FRMD5: variants seen among roughly 807,000 people sequenced by gnomAD.
FRMD5 encodes the protein FERM domain containing 5, also known as FERM domain-containing protein 5.
A neutral mutation model predicts 69.0 loss-of-function variants in FRMD5; 20 were observed. The ratio of observed to expected loss-of-function variants is 0.29; its 90% CI spans 0.20 to 0.42. The LOEUF (loss-of-function observed/expected upper bound fraction) is 0.42, where lower values mean the gene tolerates loss of function less well. Among genes scored for constraint, FRMD5 ranks in the 10% least tolerant of loss-of-function variants. The pLI is 1.00. For synonymous variants in FRMD5, 271 were observed against 260.1 expected (o/e 1.04, Z -0.40); for missense variants, 595 against 708.6 (o/e 0.84, Z 1.82).
At chr15:44,024,274 C>T (rs1303449811) in intron 1 of FRMD5, among the ~76,000 whole-genome samples, 1 of 151,848 alleles carries the variant, frequency 6.6e-6, no homozygotes, top group African/African-American at 2.4e-5. Context: ...GTCCATCCCC[C>T]TCATAATATT....
intron 1 of FRMD5, chr15:43,989,116 C>T: frequency 1.0e-6 from 1 of 989,720 alleles, no homozygotes; most frequent in Non-Finnish European, 1.6e-6. Flanking sequence ...TTCCTGCTTG[C>T]TGATCCACAT....
intron 1 of FRMD5, among the ~76,000 whole-genome samples, chr15:44,108,065 G>A (rs1231549277): frequency 6.6e-6 from 1 of 152,150 alleles, no homozygotes; most frequent in Admixed American, 6.5e-5. Context: ...CCCTCATACA[G>A]TTTTTGTATA....
chr15:43,896,307 C>T (rs564949639), intron 7 of FRMD5, among the ~76,000 whole-genome samples: 1 of 152,332 alleles, frequency 6.6e-6, no homozygotes, highest in East Asian at 1.9e-4. Context: ...TCCTTCTTTC[C>T]TCTGTGACTT....
At chr15:44,023,654 T>C (rs949637583) in intron 1 of FRMD5, among the ~76,000 whole-genome samples, 1 of 152,180 alleles carries the variant, frequency 6.6e-6, no homozygotes, top group African/African-American at 2.4e-5. Context: ...TCCATACACA[T>C]TCCCACCAGT....
At chr15:44,061,305 G>A (rs1406217457) in intron 1 of FRMD5, among the ~76,000 whole-genome samples, 6 of 152,140 alleles carry the variant, frequency 3.9e-5, no homozygotes, top group Admixed American at 3.3e-4. Context: ...GCAGATTTCA[G>A]GGACAAGTCT....
intron 1 of FRMD5, among the ~76,000 whole-genome samples, chr15:44,099,770 A>G (rs1183307910): frequency 1.3e-5 from 2 of 152,196 alleles, no homozygotes; most frequent in Non-Finnish European, 2.9e-5. Flanking sequence ...TAGGCTTGCT[A>G]TGGAGGCAGC....
intron 1 of FRMD5, among the ~76,000 whole-genome samples, chr15:44,074,824 C>T (rs1028369962): frequency 6.6e-6 from 1 of 152,166 alleles, no homozygotes; most frequent in Admixed American, 6.5e-5. Flanking sequence ...AACTTCCTCA[C>T]AAGGGGTACA....
intron 1 of FRMD5, among the ~76,000 whole-genome samples, chr15:44,145,743 T>C (rs1474450911): frequency 6.6e-6 from 1 of 152,136 alleles, no homozygotes; most frequent in African/African-American, 2.4e-5. Context: ...CAGGAACACA[T>C]GGCTACCAAG....
At chr15:44,065,774 T>C (rs1347479523) in intron 1 of FRMD5, among the ~76,000 whole-genome samples, 3 of 152,158 alleles carry the variant, frequency 2.0e-5, no homozygotes, top group East Asian at 1.9e-4. Context: ...ACTTTAAAGG[T>C]CAACTTATAT....
intron 1 of FRMD5, among the ~76,000 whole-genome samples, chr15:44,061,991 T>C (rs1893107068): frequency 6.6e-6 from 1 of 152,232 alleles, no homozygotes. Context: ...ACAAAGCTGC[T>C]AGGCTTCCAG....
At chr15:43,893,079 G>C (rs2088830159) in intron 7 of FRMD5, among the ~76,000 whole-genome samples, 1 of 151,724 alleles carries the variant, frequency 6.6e-6, no homozygotes, top group African/African-American at 2.4e-5. Flanking sequence ...ACTCCAGCCT[G>C]GGTGACGGAG....
At chr15:43,961,572 G>A (rs981471989) in intron 1 of FRMD5, among the ~76,000 whole-genome samples, 7 of 152,196 alleles carry the variant, frequency 4.6e-5, no homozygotes, top group African/African-American at 1.7e-4. Flanking sequence ...GCATCATCCT[G>A]ATACCAAAGC....
upstream of FRMD5, among the ~76,000 whole-genome samples, chr15:44,198,681 G>A (rs1337981620): frequency 1.3e-5 from 2 of 152,216 alleles, no homozygotes; most frequent in Non-Finnish European, 2.9e-5. Flanking sequence ...CTGGACAACA[G>A]AGCAAGACCT....
intron 1 of FRMD5, among the ~76,000 whole-genome samples, chr15:44,125,466 T>C (rs2077013458): frequency 6.6e-6 from 1 of 152,180 alleles, no homozygotes; most frequent in Non-Finnish European, 1.5e-5. Context: ...AGCTAAACGT[T>C]AGATGATTTA....
rs2088248944 is a variant in FRMD5, at chr15:43,874,133, G to C, written c.1465C>G (p.Pro489Ala). Residue 489 changes from proline (P) to alanine (A), a missense_variant, in exon 14 of 14, where the codon CCC (proline) becomes GCC (alanine). Transcript: ENST00000417257. ...LRALCQGHSGPEEEQVNKFVL... is the reference protein window; with the variant it reads ...LRALCQGHSGAEEEQVNKFVL... ...AACTTATTCACCTGTTCCTCCTCGG[G>C]CCCGCTGTGCCCCTGACACAGGGCC... The C allele has an allele frequency of 6.2e-7, 1 of 1,614,074 alleles. No individual in the cohort carries two copies. The highest frequency in any genetic ancestry group is 1.3e-5 in the African/African-American group (1 of 74,918).
intron 1 of FRMD5, among the ~76,000 whole-genome samples, chr15:44,081,757 A>T (rs1374206952): frequency 6.6e-6 from 1 of 152,112 alleles, no homozygotes; most frequent in Non-Finnish European, 1.5e-5. Context: ...AAGGTAATTT[A>T]AAAATCTACC....
At chr15:44,038,540 T>TTTTTTTA (rs1555397090) in intron 1 of FRMD5, among the ~76,000 whole-genome samples, 3 of 146,514 alleles carry the variant, frequency 2.0e-5, no homozygotes, top group Admixed American at 6.9e-5. Flanking sequence ...TTTTTTTTTT[T>TTTTTTTA]ATAACAATTC....
intron 13 of FRMD5, among the ~76,000 whole-genome samples, 170 bp downstream of exon 13, chr15:43,883,533 C>G (rs1266258380): frequency 6.6e-6 from 1 of 152,242 alleles, no homozygotes; most frequent in African/African-American, 2.4e-5. Flanking sequence ...ACCCCTTTAC[C>G]CTGTACCCAG....
intron 1 of FRMD5, among the ~76,000 whole-genome samples, chr15:44,107,585 T>A (rs547204214): frequency 6.6e-6 from 1 of 152,240 alleles, no homozygotes; most frequent in South Asian, 2.1e-4. Flanking sequence ...AAAGGTTATA[T>A]GATTAGAGGG....
Sources: allele counts gnomAD v4.1 joint callset (sites outside exome capture counted in the v4.1 genomes callset), GRCh38; gene constraint gnomAD v4.1.1; transcripts MANE v1.5; gene names NCBI Gene and HGNC (gene_info 2026-07-23, HGNC 2026-07-21).